CNOT9: variants seen among roughly 807,000 people sequenced by gnomAD.
CNOT9 encodes CCR4-NOT transcription complex subunit 9.
A neutral mutation model predicts 37.4 loss-of-function variants in CNOT9; 8 were observed. The ratio of observed to expected loss-of-function variants is 0.21; its 90% confidence interval spans 0.13 to 0.39. CNOT9 has a LOEUF of 0.39. CNOT9 is among the 10% of genes least tolerant of loss of function. CNOT9 has a pLI of 1.00. For missense variants in CNOT9, 154 were observed against 365.3 expected, an observed-to-expected ratio of 0.42 and a Z score of 4.71; for synonymous variants, 120 against 137.6, an observed-to-expected ratio of 0.87 and a Z score of 0.90.
intron 3 of CNOT9, among the ~76,000 whole-genome samples, chr2:218,583,696 A>G (rs1041067938): frequency 1.3e-5 from 2 of 152,196 alleles, no homozygotes; most frequent in African/African-American, 2.4e-5. Flanking sequence ...CTCTTTGTCA[A>G]GTTTCCTTAT....
intron 5 of CNOT9, among the ~76,000 whole-genome samples, chr2:218,588,894 G>A (rs1694687067): frequency 6.6e-6 from 1 of 151,870 alleles, no homozygotes; most frequent in Non-Finnish European, 1.5e-5. Context: ...TTCTGAAAGA[G>A]CATATTACTT....
chr2:218,579,801 T>C (rs192952378), intron 1 of CNOT9, among the ~76,000 whole-genome samples: 2 of 151,072 alleles, frequency 1.3e-5, no homozygotes, highest in Non-Finnish European at 3.0e-5. Context: ...TTTCTGCATT[T>C]ATTTATTTAT....
Position 218,587,151 on chromosome 2 carries a change from T to A in CNOT9, c.431-435T>A, listed in dbSNP as rs1694620520. Among the ~76,000 whole-genome samples, 3 of 152,030 alleles carry A rather than the reference T, an allele frequency of 2.0e-5. No individual in the cohort carries two copies. In the South Asian group the frequency reaches 6.2e-4, roughly 32 times the overall value. On this transcript the variant is annotated intron_variant, in intron 4 of 7. Coordinates refer to ENST00000273064, the MANE Select transcript of CNOT9 (RefSeq NM_005444.3). ...AATTTAGTGCAGAAAGCTTTTTTTT[T>A]TAGAGAGAGTCTGTCACCCAGACTA...
In CNOT9 at chr2:218,568,865, C is replaced by A; in HGVS notation, c.-90C>A. ...AGCCGGAGTCGGATGGCGGCTACGG[C>A]GGCTCATTGTTTTCCGCTGCAGGGG... On this transcript the variant is annotated 5_prime_UTR_variant, in exon 1 of 8. Coordinates refer to ENST00000273064, the MANE Select transcript of CNOT9 (RefSeq NM_005444.3). 1 of 1,445,680 alleles carries A rather than the reference C, an allele frequency of 6.9e-7. No homozygotes were observed. Among genetic ancestry groups the A allele is most frequent in the East Asian group, 2.5e-5 (1 of 40,230 alleles). The allele number at this position is 1,445,680 out of a possible 1,614,324, so 89.6% of individuals were successfully genotyped here.
At chr2:218,569,045 C>G (rs780300409) in intron 1 of CNOT9, 67 bp downstream of exon 1, 13 of 1,568,470 alleles carry the variant, frequency 8.3e-6, no homozygotes, top group Non-Finnish European at 1.0e-5. Flanking sequence ...GGCCTTCTCT[C>G]CTAATTCCCG....
At chr2:218,585,291 A>G (rs1694551418) in intron 4 of CNOT9, among the ~76,000 whole-genome samples, 1 of 152,188 alleles carries the variant, frequency 6.6e-6, no homozygotes, top group Non-Finnish European at 1.5e-5. Flanking sequence ...AAGAATATGC[A>G]TGTCAAATAC....
Position 218,589,331 on chromosome 2 carries a change from A to G in CNOT9, c.540+1636A>G, listed in dbSNP as rs1694700411. The G allele has an allele frequency of 3.9e-5, 6 of 152,036 alleles. No homozygotes were observed. The South Asian group carries it at 1.2e-3, about 32-fold the overall frequency. The allele number at this position is 152,036 out of a possible 1,614,324, so 9.4% of individuals were successfully genotyped here. On this transcript the variant is annotated intron_variant, in intron 5 of 7. Transcript: ENST00000273064. ...TGTCTAAGTGAGCACTGGTTTTTTA[A>G]TTTTTAATTAAATTATTTATTTATT...
rs1310072403 is a variant in CNOT9 at position 218,595,722 on chromosome 2, C to T, written c.*1446C>T. ...CACACAATTGAGGTGTCTGAACAAG[C>T]TTGGGGAGGGTCTATAAGGGGTAGG... is the stretch of plus-strand genomic sequence containing the variant. On this transcript the variant is annotated 3_prime_UTR_variant, in exon 8 of 8. Coordinates refer to ENST00000273064, the MANE Select transcript of CNOT9 (RefSeq NM_005444.3). 1.8e-4 allele frequency: 27 copies of T among 150,618 alleles called. No individual in the cohort carries two copies. The highest frequency in any genetic ancestry group is 5.9e-5 in the Non-Finnish European group (4 of 67,736). 9.3% of individuals were successfully genotyped at this position (150,618 alleles called of 1,614,324 possible).
chr2:218,570,800 A>G (rs762999481), intron 1 of CNOT9, among the ~76,000 whole-genome samples: 23 of 152,322 alleles, frequency 1.5e-4, no homozygotes, highest in Middle Eastern at 3.4e-3. Flanking sequence ...GCTGTGGTAC[A>G]TTACTTATAA....
At chr2:218,584,116 CTA>C (rs1181489835) in intron 3 of CNOT9, among the ~76,000 whole-genome samples, 1 of 152,116 alleles carries the variant, frequency 6.6e-6, no homozygotes, top group Non-Finnish European at 1.5e-5. Flanking sequence ...ATTTTGTGGT[CTA>C]TTTTTTAAAA....
intron 1 of CNOT9, among the ~76,000 whole-genome samples, chr2:218,579,857 C>T (rs1174524864): frequency 1.3e-5 from 2 of 151,780 alleles, no homozygotes; most frequent in African/African-American, 4.8e-5. Flanking sequence ...CTCACTCTGT[C>T]GCCCAAGCTG....
chr2:218,570,824 C>CCTACTT (rs1693965369), intron 1 of CNOT9, among the ~76,000 whole-genome samples: 1 of 152,186 alleles, frequency 6.6e-6, no homozygotes, highest in Non-Finnish European at 1.5e-5. Context: ...GTACTCAATA[C>CCTACTT]ATGTTTCTTC....
intron 1 of CNOT9, chr2:218,572,558 A>T (rs921987858): frequency 5.1e-5 from 20 of 392,002 alleles, no homozygotes; most frequent in Non-Finnish European, 6.6e-5. Flanking sequence ...ATGTTTAAAA[A>T]TTTTCCAGGC....
chr2:218,570,457 A>G (rs1483517859), intron 1 of CNOT9, among the ~76,000 whole-genome samples: 1 of 152,196 alleles, frequency 6.6e-6, no homozygotes, highest in Non-Finnish European at 1.5e-5. Context: ...ACTGTTTCTA[A>G]GTGTTTGTAA....
At position 218,594,524 on chromosome 2, in the gene CNOT9, C is replaced by A. The variant is rs923133591; in HGVS notation, c.*248C>A. On this transcript the variant is annotated 3_prime_UTR_variant, in exon 8 of 8. Coordinates refer to ENST00000273064, the MANE Select transcript of CNOT9 (RefSeq NM_005444.3). ...GACACAGCAGTCTGCCACCACAGCCCCAGGAGGGTGTCAACACCAGCAAAT... is the reference window on the plus strand; with the variant it reads ...GACACAGCAGTCTGCCACCACAGCCACAGGAGGGTGTCAACACCAGCAAAT... 10 of 512,906 alleles carry A rather than the reference C, an allele frequency of 1.9e-5. No homozygotes were observed. The South Asian group carries it at 2.6e-4, about 14-fold the overall frequency. 31.8% of individuals were successfully genotyped at this position (512,906 alleles called of 1,614,324 possible). A position where few individuals can be genotyped will look rare whatever the true frequency, so the allele number is the denominator to read the frequency against.
In CNOT9 at chr2:218,592,712, A is replaced by G. The variant is rs377454601; in HGVS notation, c.731+5A>G. ...TCGACTTTCAGATAACCCCAGGTAA[A>G]CATTTATAGGATGTATAGGACTTTA... On this transcript the variant is annotated splice_donor_5th_base_variant and intron_variant, in intron 7 of 7. Coordinates refer to ENST00000273064, the MANE Select transcript of CNOT9 (RefSeq NM_005444.3). The surrounding 1 kb of genome is among the most constrained non-coding windows in gnomAD (Gnocchi z 4.1). 2 of 1,610,080 alleles carry G rather than the reference A, an allele frequency of 1.2e-6. No homozygotes were observed. The highest frequency in any genetic ancestry group is 1.7e-6 in the Non-Finnish European group (2 of 1,176,292).
chr2:218,593,679 C>T (rs1694850716), intron 7 of CNOT9: 2 of 1,285,696 alleles, frequency 1.6e-6, no homozygotes, highest in African/African-American at 3.0e-5. Context: ...TCTGTAAAGA[C>T]ACAAATTGAT....
At chr2:218,591,001 C>A (rs1694755217) in intron 5 of CNOT9, among the ~76,000 whole-genome samples, 1 of 152,036 alleles carries the variant, frequency 6.6e-6, no homozygotes, top group African/African-American at 2.4e-5. Flanking sequence ...TTCTCTACAT[C>A]GCTTTTAAGG....
intron 1 of CNOT9, chr2:218,573,895 C>A (rs942246559): frequency 1.0e-5 from 3 of 295,700 alleles, no homozygotes; most frequent in Non-Finnish European, 2.0e-5. Context: ...GGGAGAGTTA[C>A]CACCTAAATT....
Sources: gnomAD v4.1 joint callset for allele counts (sites outside exome capture counted in the v4.1 genomes callset) on GRCh38, gnomAD v4.1.1 for gene constraint, Gnocchi (gnomAD v3.1) non-coding constraint, MANE v1.5 for transcripts, NCBI Gene and HGNC (gene_info 2026-07-23, HGNC 2026-07-21) for gene names.